Variants in WWC1 observed in about 807,000 individuals in gnomAD.
The protein encoded by WWC1 is protein KIBRA.
In WWC1, 55 loss-of-function variants were observed where a neutral mutation model predicts 138.4. That is an observed-to-expected ratio of 0.40 (90% CI 0.32 to 0.50). The LOEUF is 0.50. Ranked by LOEUF, WWC1 falls within the 20% of genes least tolerant of loss-of-function variation. The probability of loss-of-function intolerance (pLI) is 0.72; values close to 1 mark genes in which losing one functional copy is unlikely to be tolerated. For synonymous variants in WWC1, 524 were observed against 564.9 expected (o/e 0.93, Z 1.03); for missense variants, 1,226 against 1,420.4 (o/e 0.86, Z 2.20).
chr5:168,406,327 G>C lies in WWC1; in HGVS notation c.720G>C (p.Lys240Asn). 6.2e-7 allele frequency: 1 copy of C among 1,613,598 alleles called. No individual in the cohort carries two copies. Among genetic ancestry groups the C allele is most frequent in the South Asian group, 1.1e-5 (1 of 91,034 alleles). Residue 240 changes from lysine to asparagine, a missense_variant and splice_region_variant, in exon 6 of 23, where the codon AAG (lysine) becomes AAC (asparagine). Physicochemically the swap from Lys to Asn is moderately conservative, Grantham distance 94 (BLOSUM62 0). This residue lies in a region of WWC1 where 1,016 missense variants were observed against 1,153.9 expected (regional missense o/e 0.88). Transcript: ENST00000265293. Reference protein sequence around the residue: ...CGEKEKQDLIKSLAMLKDGFR... With the variant: ...CGEKEKQDLINSLAMLKDGFR... ...AAAAGGAAAAGCAAGATCTCATTAAGGTATGCAAGTTCCTGTTGATGTGGG... is the reference window on the plus strand; with the variant it reads ...AAAAGGAAAAGCAAGATCTCATTAACGTATGCAAGTTCCTGTTGATGTGGG...
At chr5:168,392,593 T>G (rs1249212252) in intron 3 of WWC1, among the ~76,000 whole-genome samples, 2 of 152,192 alleles carry the variant, frequency 1.3e-5, no homozygotes, top group African/African-American at 4.8e-5. Context: ...TTCAGTAGGC[T>G]GAGGCAGGAG....
At chr5:168,357,534 T>C (rs941283650) in intron 1 of WWC1, among the ~76,000 whole-genome samples, 1 of 150,902 alleles carries the variant, frequency 6.6e-6, no homozygotes, top group African/African-American at 2.4e-5. Context: ...GCCAGGGTAT[T>C]GTGTTCCCTT....
rs545739529 is a variant in WWC1 at position 168,380,452 on chromosome 5, A to G, written c.230-4759A>G. Among the ~76,000 whole-genome samples, 60 of 152,298 alleles carry G rather than the reference A, an allele frequency of 3.9e-4. No individual in the cohort carries two copies. In the South Asian group the frequency reaches 0.01, roughly 26 times the overall value. Reference sequence around the variant, plus strand: ...TGAGACCCCCATCTCAAAAAAATAAAAAAATAAAATTCCAACGAGGTATCA... The same window carrying G: ...TGAGACCCCCATCTCAAAAAAATAAGAAAATAAAATTCCAACGAGGTATCA... On this transcript the variant is annotated intron_variant, in intron 2 of 22. Coordinates refer to ENST00000265293, the MANE Select transcript of WWC1 (RefSeq NM_015238.3).
intron 3 of WWC1, among the ~76,000 whole-genome samples, chr5:168,395,966 C>T (rs1421186498): frequency 6.6e-6 from 1 of 152,230 alleles, no homozygotes; most frequent in Admixed American, 6.5e-5. Context: ...GTAGCATTCC[C>T]CTCATGACTG....
intron 1 of WWC1, among the ~76,000 whole-genome samples, chr5:168,360,298 C>CTA (rs2152799387): frequency 6.6e-6 from 1 of 152,252 alleles, no homozygotes; most frequent in East Asian, 1.9e-4. Flanking sequence ...GAAATAGGGT[C>CTA]TATGTAAGGG....
chr5:168,423,162 A>AAAAAAAAC (rs1781249241), intron 10 of WWC1, among the ~76,000 whole-genome samples: 2 of 108,694 alleles, frequency 1.8e-5, no homozygotes, highest in African/African-American at 3.2e-5. Context: ...AAAAAAAAAA[A>AAAAAAAAC]AAAAAAAAAA....
chr5:168,346,407 T>A (rs1302892852), intron 1 of WWC1, among the ~76,000 whole-genome samples: 3 of 152,038 alleles, frequency 2.0e-5, no homozygotes, highest in Non-Finnish European at 4.4e-5. Context: ...CCTGCTCAGC[T>A]CCTCCTGCCC....
chr5:168,312,636 A>G (rs1157260808), intron 1 of WWC1, among the ~76,000 whole-genome samples: 1 of 152,208 alleles, frequency 6.6e-6, no homozygotes, highest in Non-Finnish European at 1.5e-5. Context: ...GCCCCAGCCT[A>G]TGCCTCCTAA....
intron 8 of WWC1, among the ~76,000 whole-genome samples, chr5:168,410,931 CTTTTT>C (rs1354123052): frequency 8.7e-6 from 1 of 114,480 alleles, no homozygotes; most frequent in Non-Finnish European, 1.8e-5. Context: ...ATGATCTTTG[CTTTTT>C]TTTTTTTTTT....
chr5:168,362,672 A>G (rs996229757), intron 1 of WWC1, among the ~76,000 whole-genome samples: 1 of 152,266 alleles, frequency 6.6e-6, no homozygotes, highest in Non-Finnish European at 1.5e-5. Flanking sequence ...TAAACCCAAC[A>G]GGCAGCACAC....
chr5:168,336,211 G>C (rs2152771525), intron 1 of WWC1, among the ~76,000 whole-genome samples: 1 of 152,260 alleles, frequency 6.6e-6, no homozygotes. Context: ...TTTCCAGTTT[G>C]ATCAGCCATC....
intron 8 of WWC1, among the ~76,000 whole-genome samples, chr5:168,413,771 G>T (rs933692643): frequency 2.6e-5 from 4 of 152,180 alleles, no homozygotes; most frequent in African/African-American, 9.7e-5. Context: ...AGAACTGTCA[G>T]TGACTCAGTA....
chr5:168,423,149 CAAA>C lies in WWC1; in HGVS notation c.1275-363_1275-361del, dbSNP rs773855632. On this transcript the variant is annotated intron_variant, in intron 10 of 22. Coordinates refer to ENST00000265293, the MANE Select transcript of WWC1 (RefSeq NM_015238.3). ...GACAGAGCAAGACTCCATCCCCCCCCAAAAAAAAAAAAAAAAAAAAAAACACAG... is the reference window on the plus strand; with the variant it reads ...GACAGAGCAAGACTCCATCCCCCCCCAAAAAAAAAAAAAAAAAAAACACAG... 5.1e-3 allele frequency among the ~76,000 whole-genome samples: 361 copies of C among 71,320 alleles called. 5 individuals carry two copies. Among genetic ancestry groups the C allele is most frequent in the African/African-American group, 0.021 (338 of 16,322 alleles). 46.8% of individuals were successfully genotyped at this position (71,320 alleles called of 152,430 possible).
chr5:168,454,520 C>T (rs566761474), intron 18 of WWC1, among the ~76,000 whole-genome samples: 18 of 152,308 alleles, frequency 1.2e-4, no homozygotes, highest in Middle Eastern at 3.4e-3. Flanking sequence ...GCCCACAGCG[C>T]GACAGGAAAA....
chr5:168,376,012 A>C (rs1582083823), intron 2 of WWC1, among the ~76,000 whole-genome samples: 1 of 151,918 alleles, frequency 6.6e-6, no homozygotes, highest in African/African-American at 2.4e-5. Context: ...TTTTCATACT[A>C]TATCATAGAT....
intron 17 of WWC1, among the ~76,000 whole-genome samples, chr5:168,446,147 AAC>A (rs1055231670): frequency 1.3e-5 from 2 of 152,078 alleles, no homozygotes; most frequent in African/African-American, 4.8e-5. Flanking sequence ...AACTGTGGAA[AAC>A]ACAGTGTAAT....
chr5:168,403,540 G>A (rs1779546294), intron 5 of WWC1, among the ~76,000 whole-genome samples: 1 of 152,192 alleles, frequency 6.6e-6, no homozygotes, highest in Non-Finnish European at 1.5e-5. Flanking sequence ...AAAAAAGAGA[G>A]GAGAGAAAAG....
intron 10 of WWC1, 109 bp downstream of exon 10, chr5:168,422,206 G>A (rs576315137): frequency 2.7e-4 from 301 of 1,105,676 alleles, no homozygotes; most frequent in Non-Finnish European, 3.8e-4. Context: ...TGGCTTGAGA[G>A]TGGATGTTTA....
chr5:168,468,411 G>A (rs1399121622), intron 22 of WWC1, among the ~76,000 whole-genome samples: 1 of 151,712 alleles, frequency 6.6e-6, no homozygotes, highest in Admixed American at 6.6e-5. Context: ...AATGCCATTT[G>A]GCCTGGGCCT....
Sources: gnomAD v4.1 joint callset for allele counts (sites outside exome capture counted in the v4.1 genomes callset) on GRCh38, gnomAD v4.1.1 for gene constraint, gnomAD v4.1.1 regional missense constraint, MANE v1.5 for transcripts, NCBI Gene and HGNC (gene_info 2026-07-23, HGNC 2026-07-21) for gene names.